The following OSTN variants were observed in gnomAD, a reference collection of about 807,000 sequenced individuals.
The protein encoded by OSTN is osteocrin.
A neutral mutation model predicts 12.0 loss-of-function variants in OSTN; 9 were observed. That is an observed-to-expected ratio of 0.75 (90% CI 0.45 to 1.30). OSTN has a LOEUF of 1.30. Ranked by LOEUF, OSTN falls within the 50% of genes most tolerant of loss-of-function variation. OSTN has a pLI of 0.00. For synonymous variants in OSTN, 59 were observed against 56.9 expected, an observed-to-expected ratio of 1.04 and a Z score of -0.16; for missense variants, 148 against 152.3, an observed-to-expected ratio of 0.97 and a Z score of 0.15.
rs1427445254 is a variant in OSTN at position 191,264,759 on chromosome 3, G to A, written c.*1906G>A. On this transcript the variant is annotated 3_prime_UTR_variant, in exon 5 of 5. Coordinates refer to ENST00000682035, the MANE Select transcript of OSTN (RefSeq NM_198184.2). ...TATTTGTAAGCTTCTAATCCAATTG[G>A]GTTCTGCTTCATGCTTTGACAAAAG... The A allele has an allele frequency of 6.6e-6, 1 of 151,986 alleles. No homozygotes were observed. The highest frequency in any genetic ancestry group is 1.5e-5 in the Non-Finnish European group (1 of 67,954). 9.4% of individuals were successfully genotyped at this position (151,986 alleles called of 1,614,324 possible).
chr3:191,213,063 G>A (rs1024366198), intron 2 of OSTN, among the ~76,000 whole-genome samples: 1 of 151,128 alleles, frequency 6.6e-6, no homozygotes, highest in Non-Finnish European at 1.5e-5. Context: ...TAGAGACAGG[G>A]TTTCACCATA....
At chr3:191,207,529 A>G (rs1433683464) in intron 1 of OSTN, among the ~76,000 whole-genome samples, 1 of 152,188 alleles carries the variant, frequency 6.6e-6, no homozygotes, top group Non-Finnish European at 1.5e-5. Context: ...TACATCTCAT[A>G]GAAGTTTGCT....
At chr3:191,208,391 G>T (rs1714335281) in intron 1 of OSTN, among the ~76,000 whole-genome samples, 1 of 152,146 alleles carries the variant, frequency 6.6e-6, no homozygotes. Flanking sequence ...AATGTCTTTT[G>T]TATGGCAGGT....
At chr3:191,201,342 G>A (rs1714148564) in intron 1 of OSTN, among the ~76,000 whole-genome samples, 1 of 151,896 alleles carries the variant, frequency 6.6e-6, no homozygotes, top group Admixed American at 6.6e-5. Context: ...TTCTCTCTGA[G>A]CCTCACTTTC....
chr3:191,242,719 C>T (rs1715348548), intron 3 of OSTN, among the ~76,000 whole-genome samples: 1 of 151,962 alleles, frequency 6.6e-6, no homozygotes, highest in South Asian at 2.1e-4. Flanking sequence ...GTATTAAAAA[C>T]TGAAATGTAA....
chr3:191,249,973 G>A (rs1307571031), intron 3 of OSTN, 64 bp from the exon 4 acceptor site: 2 of 1,275,256 alleles, frequency 1.6e-6, no homozygotes, highest in Non-Finnish European at 2.3e-6. Flanking sequence ...ATAAAATAAA[G>A]AACAAAAATA....
chr3:191,242,050 A>T (rs1715333153), intron 3 of OSTN, among the ~76,000 whole-genome samples: 1 of 152,222 alleles, frequency 6.6e-6, no homozygotes, highest in Non-Finnish European at 1.5e-5. Flanking sequence ...ACAAAAATAC[A>T]ATATAAGCTT....
At position 191,218,758 on chromosome 3, in the gene OSTN, T is replaced by C; in HGVS notation, c.114T>C (p.Ser38=). The C allele has an allele frequency of 6.2e-7, 1 of 1,613,928 alleles. No individual in the cohort carries two copies. Among genetic ancestry groups the C allele is most frequent in the Non-Finnish European group, 8.5e-7 (1 of 1,179,850 alleles). The change falls in exon 3 of 5, where the codon TCT becomes TCC. Residue 38 remains serine, a synonymous_variant. Coordinates refer to ENST00000682035, the MANE Select transcript of OSTN (RefSeq NM_198184.2). Reference sequence around the variant, plus strand: ...TCTCTGCCTTATAGGCCTTTGATTCTGGAGTCATAGATGTGCAGTCAACAC... The same window carrying C: ...TCTCTGCCTTATAGGCCTTTGATTCCGGAGTCATAGATGTGCAGTCAACAC... ...VDVTTTEAFD[S]GVIDVQSTPT... is the part of the protein sequence containing the mutation.
intron 3 of OSTN, among the ~76,000 whole-genome samples, chr3:191,240,393 T>C (rs1257954997): frequency 3.3e-5 from 5 of 152,226 alleles, no homozygotes; most frequent in Admixed American, 3.3e-4. Context: ...TCATTTATTT[T>C]TTCTACATGC....
intron 1 of OSTN, among the ~76,000 whole-genome samples, chr3:191,200,932 A>G (rs1714138754): frequency 6.6e-6 from 1 of 152,122 alleles, no homozygotes; most frequent in Non-Finnish European, 1.5e-5. Flanking sequence ...CGACAGCTTT[A>G]TGGACAAACC....
chr3:191,226,895 G>T (rs557205796), intron 3 of OSTN, among the ~76,000 whole-genome samples: 83 of 152,192 alleles, frequency 5.5e-4, no homozygotes, highest in Middle Eastern at 6.8e-3. Flanking sequence ...TGAAGAAATA[G>T]ATGACCCCAC....
chr3:191,233,945 TCACACCATTA>T (rs1715125205), intron 3 of OSTN, among the ~76,000 whole-genome samples: 1 of 151,040 alleles, frequency 6.6e-6, no homozygotes, highest in Non-Finnish European at 1.5e-5. Flanking sequence ...TTAGCTGAGA[TCACACCATTA>T]CACTCCAGCA....
At chr3:191,235,660 C>T (rs1281588361) in intron 3 of OSTN, among the ~76,000 whole-genome samples, 3 of 152,180 alleles carry the variant, frequency 2.0e-5, no homozygotes, top group Non-Finnish European at 4.4e-5. Context: ...CCTCACCCTA[C>T]TCTCTCATCT....
At chr3:191,207,889 T>C (rs1462549037) in intron 1 of OSTN, among the ~76,000 whole-genome samples, 1 of 152,240 alleles carries the variant, frequency 6.6e-6, no homozygotes, top group African/African-American at 2.4e-5. Context: ...TGAAAGATCC[T>C]TTCAGGGTAT....
chr3:191,209,453 T>C (rs750294695), intron 1 of OSTN, among the ~76,000 whole-genome samples: 1 of 152,198 alleles, frequency 6.6e-6, no homozygotes, highest in Non-Finnish European at 1.5e-5. Flanking sequence ...AAATATCAAG[T>C]TAGCGAAAAG....
At chr3:191,250,265 T>C (rs963406788) in intron 4 of OSTN, 132 bp downstream of exon 4, 5 of 675,926 alleles carry the variant, frequency 7.4e-6, no homozygotes, top group African/African-American at 7.2e-5. Context: ...TTTTCAATCA[T>C]TTATGTATGC....
At chr3:191,256,547 G>T (rs1393671258) in intron 4 of OSTN, among the ~76,000 whole-genome samples, 1 of 150,554 alleles carries the variant, frequency 6.6e-6, no homozygotes, top group East Asian at 1.9e-4. Flanking sequence ...ATAGAGAGAA[G>T]ACTCAGTTTC....
At chr3:191,204,142 G>A (rs1057006433) in intron 1 of OSTN, among the ~76,000 whole-genome samples, 1 of 152,098 alleles carries the variant, frequency 6.6e-6, no homozygotes, top group Non-Finnish European at 1.5e-5. Flanking sequence ...TGCCCACCTC[G>A]GCATCCCAAA....
chr3:191,230,410 A>G (rs1387069981), intron 3 of OSTN, among the ~76,000 whole-genome samples: 6 of 150,712 alleles, frequency 4.0e-5, no homozygotes, highest in Non-Finnish European at 8.9e-5. Context: ...CTAAAATACA[A>G]AAAATTAGCT....
Sources: gnomAD v4.1 joint callset for allele counts (sites outside exome capture counted in the v4.1 genomes callset) on GRCh38, gnomAD v4.1.1 for gene constraint, MANE v1.5 for transcripts, NCBI Gene and HGNC (gene_info 2026-07-23, HGNC 2026-07-21) for gene names.